The following PCDH11X variants were observed in gnomAD, a reference collection of about 807,000 sequenced individuals.
PCDH11X encodes protocadherin 11 X-linked, also known as protocadherin-11 X-linked.
PCDH11X carries 18 observed loss-of-function variants against 53.3 expected under a neutral mutation model. That is an observed-to-expected ratio of 0.34 (90% CI 0.23 to 0.50). The LOEUF (loss-of-function observed/expected upper bound fraction) is 0.50, where lower values mean the gene tolerates loss of function less well. PCDH11X is among the 20% of genes least tolerant of loss of function. The pLI is 0.98. For missense variants in PCDH11X, 570 were observed against 1,032.4 expected (o/e 0.55, Z 6.14); for synonymous variants, 279 against 393.3 (o/e 0.71, Z 3.44).
chrX:92,345,059 C>T (rs1359255244), intron 8 of PCDH11X, among the ~76,000 whole-genome samples: 1 of 110,317 alleles, frequency 9.1e-6, no homozygotes, highest in African/African-American at 3.3e-5. Flanking sequence ...CTAAATTTTT[C>T]AGAGATTTCC....
At chrX:92,518,727 T>TCAC (rs1328110514) in intron 10 of PCDH11X, among the ~76,000 whole-genome samples, 2 of 108,029 alleles carry the variant, frequency 1.9e-5, no homozygotes, top group Non-Finnish European at 3.8e-5. Context: ...CAGGGAACAT[T>TCAC]CACTATGGCT....
chrX:92,313,227 A>G (rs1035180306), intron 8 of PCDH11X, among the ~76,000 whole-genome samples: 2 of 111,003 alleles, frequency 1.8e-5, no homozygotes, highest in African/African-American at 3.3e-5. Context: ...ACTTTTATTA[A>G]GTCCCCACTA....
intron 10 of PCDH11X, among the ~76,000 whole-genome samples, chrX:92,611,515 C>A (rs1927378392): frequency 9.1e-6 from 1 of 110,344 alleles, no homozygotes; most frequent in Non-Finnish European, 1.9e-5. Flanking sequence ...ATATTGAATC[C>A]TACTGGCCAT....
At chrX:92,100,938 G>A (rs939185512) in intron 6 of PCDH11X, among the ~76,000 whole-genome samples, 10 of 111,103 alleles carry the variant, frequency 9.0e-5, no homozygotes, top group Non-Finnish European at 1.7e-4. Flanking sequence ...TGATGGCCTG[G>A]ATACGGTTTT....
chrX:92,074,559 A>C (rs2063747930), intron 6 of PCDH11X, among the ~76,000 whole-genome samples: 1 of 111,806 alleles, frequency 8.9e-6, no homozygotes, highest in Non-Finnish European at 1.9e-5. Flanking sequence ...ACTCATTTTT[A>C]TGTTATGTGA....
chrX:92,167,360 ACT>A (rs1352560970), intron 6 of PCDH11X, among the ~76,000 whole-genome samples: 1 of 111,446 alleles, frequency 9.0e-6, no homozygotes, highest in Non-Finnish European at 1.9e-5. Flanking sequence ...AAAAATATTT[ACT>A]CTTGTTTCAA....
chrX:91,916,826 C>G (rs1182473177), intron 6 of PCDH11X, among the ~76,000 whole-genome samples: 1 of 110,567 alleles, frequency 9.0e-6, no homozygotes, highest in East Asian at 2.8e-4. Context: ...TGAAGTGTCA[C>G]CCTAATACCA....
chrX:92,134,829 T>C (rs1320756274), intron 6 of PCDH11X, among the ~76,000 whole-genome samples: 1 of 111,324 alleles, frequency 9.0e-6, no homozygotes, highest in East Asian at 2.8e-4. Flanking sequence ...TCACTCTTGT[T>C]GCCTTCTTGG....
intron 6 of PCDH11X, among the ~76,000 whole-genome samples, chrX:92,024,718 CAA>C (rs199917287): frequency 0.22 from 11,791 of 53,647 alleles, 890 homozygotes; most frequent in African/African-American, 0.33. Flanking sequence ...CAATCCTAAG[CAA>C]AAAAAAAAAA....
chrX:92,048,266 C>T (rs1336293954), intron 6 of PCDH11X, among the ~76,000 whole-genome samples: 8 of 105,800 alleles, frequency 7.6e-5, no homozygotes, highest in Admixed American at 5.1e-4. Flanking sequence ...CCGACTTTCT[C>T]TCTCTTCCTC....
intron 7 of PCDH11X, among the ~76,000 whole-genome samples, chrX:92,238,947 G>GA (rs1556297339): frequency 1.8e-5 from 2 of 109,168 alleles, no homozygotes; most frequent in Non-Finnish European, 3.8e-5. Context: ...TATTTTTCAT[G>GA]TTTTTTTTTC....
At chrX:92,137,876 G>A (rs1446503451) in intron 6 of PCDH11X, among the ~76,000 whole-genome samples, 5 of 110,357 alleles carry the variant, frequency 4.5e-5, no homozygotes, top group Non-Finnish European at 7.6e-5. Context: ...GTTCCAGGGC[G>A]CATGAGCAGA....
chrX:92,195,873 A>G (rs1173569115), intron 6 of PCDH11X, among the ~76,000 whole-genome samples: 1 of 112,227 alleles, frequency 8.9e-6, no homozygotes, highest in East Asian at 2.8e-4. Flanking sequence ...TGTCTGTGCC[A>G]TGCTGTTGAT....
In PCDH11X at chrX:92,247,454, C is replaced by T. The variant is rs766936362; in HGVS notation, c.3115-15660C>T. Among the ~76,000 whole-genome samples, 264 of 112,065 alleles carry T rather than the reference C, an allele frequency of 2.4e-3. 1 individual carries two copies. Among genetic ancestry groups the T allele is most frequent in the Middle Eastern group, 0.019 (4 of 216 alleles). ...TCTCTTTGGTTACTTGTATTGTTTT[C>T]TAGGACTGCCATAACACATTGCCAC... On this transcript the variant is annotated intron_variant, in intron 7 of 10. Transcript: ENST00000682573.
chrX:92,527,886 A>T (rs1203960890), intron 10 of PCDH11X, among the ~76,000 whole-genome samples: 2 of 112,127 alleles, frequency 1.8e-5, no homozygotes, highest in Admixed American at 9.5e-5. Context: ...TATCCAGCAT[A>T]TTTAAAAACA....
chrX:92,217,819 C>A (rs746531698), intron 7 of PCDH11X, among the ~76,000 whole-genome samples: 9 of 111,390 alleles, frequency 8.1e-5, no homozygotes, highest in East Asian at 2.8e-4. Context: ...GTCTCCTCAG[C>A]AAATGTAAAA....
chrX:92,223,133 G>A (rs1453493878), intron 7 of PCDH11X, among the ~76,000 whole-genome samples: 16 of 112,239 alleles, frequency 1.4e-4, no homozygotes. Context: ...TTACAGGCGT[G>A]AGCCACACAC....
intron 6 of PCDH11X, among the ~76,000 whole-genome samples, chrX:91,973,038 C>G (rs1273271134): frequency 9.1e-6 from 1 of 109,730 alleles, no homozygotes; most frequent in Non-Finnish European, 1.9e-5. Context: ...GGAACCAACC[C>G]AAATGTCCAA....
chrX:92,187,129 T>C (rs761088021), intron 6 of PCDH11X, among the ~76,000 whole-genome samples: 1 of 111,874 alleles, frequency 8.9e-6, no homozygotes, highest in African/African-American at 3.2e-5. Context: ...ATTTTACAGT[T>C]CTGGAGTCAG....
Sources: allele counts gnomAD v4.1 joint callset (sites outside exome capture counted in the v4.1 genomes callset), GRCh38; gene constraint gnomAD v4.1.1; transcripts MANE v1.5; gene names NCBI Gene and HGNC (gene_info 2026-07-23, HGNC 2026-07-21).